FRRS1: variants seen among roughly 807,000 people sequenced by gnomAD.
FRRS1 encodes the protein ferric chelate reductase 1, also known as ferric reductase 1.
FRRS1 carries 51 observed loss-of-function variants against 70.7 expected under a neutral mutation model. The observed-to-expected ratio is 0.72, with a 90% CI of 0.58 to 0.91. The LOEUF (loss-of-function observed/expected upper bound fraction) is 0.91, where lower values mean the gene tolerates loss of function less well. Ranked by LOEUF, FRRS1 falls within the 40% of genes least tolerant of loss-of-function variation. FRRS1 has a pLI of 0.00. For synonymous variants in FRRS1, 225 were observed against 238.7 expected (o/e 0.94, Z 0.53); for missense variants, 672 against 726.0 (o/e 0.93, Z 0.86).
chr1:99,728,564 G>A lies in FRRS1; in HGVS notation c.935C>T (p.Pro312Leu), dbSNP rs1655180607. The A allele has an allele frequency of 3.1e-6, 5 of 1,613,184 alleles. No individual in the cohort carries two copies. The East Asian group carries it at 8.9e-5, about 29-fold the overall frequency. Residue 312 changes from proline to leucine, a missense_variant, in exon 9 of 17, where the codon CCT becomes CTT. By Grantham distance (98) the Pro-to-Leu change is moderately conservative (BLOSUM62 -3). Transcript: ENST00000646001. Reference protein sequence around the residue: ...QCSFRRNITLPGVKNRFDLNT... With the variant: ...QCSFRRNITLLGVKNRFDLNT... The stretch of plus-strand genomic sequence containing the variant: ...TAGATCAAATCTATTCTTAACTCCA[G>A]GAAGGGTAATGTTTCTTCTGAAAGA...
intron 1 of FRRS1, among the ~76,000 whole-genome samples, chr1:99,759,709 A>C (rs1657024884): frequency 4.6e-5 from 7 of 152,226 alleles, no homozygotes; most frequent in Admixed American, 3.3e-4. Context: ...GTAGAGTCAA[A>C]GGAAAGGAGA....
chr1:99,715,406 C>A (rs1386316185), intron 12 of FRRS1, among the ~76,000 whole-genome samples, 180 bp downstream of exon 12: 1 of 152,200 alleles, frequency 6.6e-6, no homozygotes, highest in Non-Finnish European at 1.5e-5. Context: ...GTAATCTGTA[C>A]TGACATCCTC....
At chr1:99,730,290 C>T (rs1168973121) in intron 7 of FRRS1, among the ~76,000 whole-genome samples, 1 of 152,120 alleles carries the variant, frequency 6.6e-6, no homozygotes, top group Non-Finnish European at 1.5e-5. Context: ...ACATAGTGTA[C>T]ATATTCAATA....
chr1:99,712,488 A>G lies in FRRS1; in HGVS notation c.1351T>C (p.Cys451Arg). The G allele has an allele frequency of 1.2e-6, 2 of 1,612,068 alleles. No homozygotes were observed. The highest frequency in any genetic ancestry group is 1.7e-6 in the Non-Finnish European group (2 of 1,179,222). The change falls in exon 13 of 17, where the codon TGT (cysteine) becomes CGT (arginine). Residue 451 changes from cysteine to arginine, a missense_variant. By Grantham distance (180) the Cys-to-Arg change is radical. Transcript: ENST00000646001. ...RHAGYHPYLG[C>R]IVMTLAVLQP... Reference sequence around the variant, plus strand: ...AGAACTGCCAAAGTCATCACTATACAGCCGAGGTATGGGTGGTAACCTGCA... The same window carrying G: ...AGAACTGCCAAAGTCATCACTATACGGCCGAGGTATGGGTGGTAACCTGCA...
intron 1 of FRRS1, among the ~76,000 whole-genome samples, chr1:99,753,600 T>C: frequency 6.7e-6 from 1 of 150,024 alleles, no homozygotes; most frequent in South Asian, 2.1e-4. Flanking sequence ...ACCCCATCTC[T>C]ACTAAAAAAA....
At chr1:99,733,001 G>T (rs1163856953) in intron 7 of FRRS1, among the ~76,000 whole-genome samples, 1 of 151,812 alleles carries the variant, frequency 6.6e-6, no homozygotes, top group Non-Finnish European at 1.5e-5. Flanking sequence ...ATGCCACTAC[G>T]CCCAGCTAAT....
chr1:99,766,551 G>T (rs1173042227), intron 1 of FRRS1, 56 bp downstream of exon 1: 2 of 152,226 alleles, frequency 1.3e-5, no homozygotes, highest in African/African-American at 4.8e-5. Context: ...AGCTGGATTT[G>T]ATTTTTAACG....
At chr1:99,732,794 C>G (rs1655459289) in intron 7 of FRRS1, among the ~76,000 whole-genome samples, 1 of 150,956 alleles carries the variant, frequency 6.6e-6, no homozygotes, top group African/African-American at 2.4e-5. Flanking sequence ...TTATATAATT[C>G]TATAATTACT....
At chr1:99,713,313 T>C (rs977103471) in intron 12 of FRRS1, among the ~76,000 whole-genome samples, 1 of 152,254 alleles carries the variant, frequency 6.6e-6, no homozygotes, top group African/African-American at 2.4e-5. Flanking sequence ...AATGGCGCTC[T>C]TAACCTTTGT....
rs1654485101 is a variant in FRRS1 at position 99,715,663 on chromosome 1, T to C, written c.1246A>G (p.Met416Val). Reference sequence around the variant, plus strand: ...AGGACAGTTGTGGTGAACATGAGCATCCGATGCACCTGCAAGGTAAAATGA... The same window carrying C: ...AGGACAGTTGTGGTGAACATGAGCACCCGATGCACCTGCAAGGTAAAATGA... The part of the protein sequence containing the change: ...GEAAWFQVHR[M>V]LMFTTTVLTC... The change falls in exon 12 of 17, where the codon ATG (methionine) becomes GTG (valine). Residue 416 changes from methionine to valine, a missense_variant. Transcript: ENST00000646001. 9.3e-6 allele frequency: 15 copies of C among 1,611,324 alleles called. No individual in the cohort carries two copies. The East Asian group carries it at 3.3e-4, about 36-fold the overall frequency.
At chr1:99,764,902 C>T (rs1237571916) in intron 1 of FRRS1, among the ~76,000 whole-genome samples, 1 of 152,232 alleles carries the variant, frequency 6.6e-6, no homozygotes, top group African/African-American at 2.4e-5. Context: ...TAACTGTTCA[C>T]TCCATAAGCT....
intron 7 of FRRS1, among the ~76,000 whole-genome samples, chr1:99,735,160 C>T (rs998933550): frequency 3.3e-5 from 5 of 152,040 alleles, no homozygotes; most frequent in Admixed American, 1.3e-4. Context: ...CATAACAAAA[C>T]GATATTGAAG....
At chr1:99,762,780 T>C (rs2101008476) in intron 1 of FRRS1, among the ~76,000 whole-genome samples, 1 of 152,310 alleles carries the variant, frequency 6.6e-6, no homozygotes, top group South Asian at 2.1e-4. Flanking sequence ...AGGATTGGAT[T>C]CCAAACACTC....
intron 1 of FRRS1, among the ~76,000 whole-genome samples, chr1:99,759,195 G>A (rs1656998788): frequency 6.6e-6 from 1 of 152,030 alleles, no homozygotes; most frequent in African/African-American, 2.4e-5. Flanking sequence ...CCTACTCCCT[G>A]TTCTTACACC....
intron 1 of FRRS1, 91 bp downstream of exon 1, chr1:99,766,516 G>T (rs1657360920): frequency 6.6e-6 from 1 of 152,182 alleles, no homozygotes; most frequent in African/African-American, 2.4e-5. Flanking sequence ...GTCAGCACAG[G>T]CACTCGCTCT....
chr1:99,746,556 G>C lies in FRRS1; in HGVS notation c.333+738C>G, dbSNP rs149120689. On this transcript the variant is annotated intron_variant, in intron 4 of 16. Transcript: ENST00000646001. ...AGACATGAATCTTCAAGAAATTCAA[G>C]AGCTAATAGACACCACAACAGAAGA... Among the ~76,000 whole-genome samples the C allele has an allele frequency of 3.3e-5, 5 of 152,288 alleles. No individual in the cohort carries two copies. The East Asian group carries it at 9.6e-4, about 29-fold the overall frequency.
intron 7 of FRRS1, among the ~76,000 whole-genome samples, chr1:99,734,554 A>T (rs935335738): frequency 6.6e-6 from 1 of 152,218 alleles, no homozygotes; most frequent in Admixed American, 6.5e-5. Context: ...AAACTTTTCA[A>T]AACAAAAAAT....
intron 4 of FRRS1, among the ~76,000 whole-genome samples, chr1:99,743,620 G>A (rs535781361): frequency 6.6e-6 from 1 of 152,170 alleles, no homozygotes; most frequent in African/African-American, 2.4e-5. Context: ...CATTCACAGA[G>A]ACATATAAAC....
At position 99,704,991 on chromosome 1, in the gene FRRS1, AC is replaced by A. The variant is rs1571084041; in HGVS notation, c.*4036del. On this transcript the variant is annotated 3_prime_UTR_variant, in exon 17 of 17. Coordinates refer to ENST00000646001, the MANE Select transcript of FRRS1 (RefSeq NM_001361041.2). ...ATTCTCCTGGTACACCAAGGCAAGA[AC>A]CCAGGGATACAGAAAGCCCTCTGTC... Among the ~76,000 whole-genome samples the A allele has an allele frequency of 2.0e-5, 3 of 152,194 alleles. No individual in the cohort carries two copies. In the East Asian group the frequency reaches 5.8e-4, roughly 29 times the overall value.
Sources: allele counts gnomAD v4.1 joint callset (sites outside exome capture counted in the v4.1 genomes callset), GRCh38; gene constraint gnomAD v4.1.1; transcripts MANE v1.5; gene names NCBI Gene and HGNC (gene_info 2026-07-23, HGNC 2026-07-21).